DIP2C: variants seen among roughly 807,000 people sequenced by gnomAD.
DIP2C encodes disco-interacting protein 2 homolog C.
Under a neutral mutation model 192.4 loss-of-function variants are expected in DIP2C, and 33 were observed. The ratio of observed to expected loss-of-function variants is 0.17; its 90% CI spans 0.13 to 0.23. The LOEUF (loss-of-function observed/expected upper bound fraction) is 0.23. Among genes scored for constraint, DIP2C ranks in the 10% least tolerant of loss-of-function variants. The probability of loss-of-function intolerance (pLI) is 1.00; values close to 1 mark genes in which losing one functional copy is unlikely to be tolerated. For synonymous variants in DIP2C, 979 were observed against 864.1 expected, an observed-to-expected ratio of 1.13 and a Z score of -2.33; for missense variants, 1,537 against 2,110.1, an observed-to-expected ratio of 0.73 and a Z score of 5.32.
At chr10:291,142 C>G (rs1955477483) in intron 32 of DIP2C, among the ~76,000 whole-genome samples, 1 of 152,218 alleles carries the variant, frequency 6.6e-6, no homozygotes, top group Non-Finnish European at 1.5e-5. Context: ...AGGCTCTGGG[C>G]AGGTGTGTGC....
At chr10:525,312 C>T (rs373336590) in intron 1 of DIP2C, among the ~76,000 whole-genome samples, 3 of 152,138 alleles carry the variant, frequency 2.0e-5, no homozygotes, top group Non-Finnish European at 4.4e-5. Context: ...CACAGCTATT[C>T]GGAATGTGGT....
chr10:501,517 T>G lies in DIP2C; in HGVS notation c.86-14987A>C, dbSNP rs540487116. On this transcript the variant is annotated intron_variant, in intron 1 of 36. Coordinates refer to ENST00000280886, the MANE Select transcript of DIP2C (RefSeq NM_014974.3). ...TGAAAACACATGCGTTGATACCATA[T>G]TACCCCAATTATAGAGGGAAGATGA... 2.0e-5 allele frequency among the ~76,000 whole-genome samples: 3 copies of G among 152,246 alleles called. No individual in the cohort carries two copies. The South Asian group carries it at 6.2e-4, about 32-fold the overall frequency.
In DIP2C at chr10:488,398, T is replaced by C. The variant is rs941067812; in HGVS notation, c.86-1868A>G. ...CAAAGATGAAAGTGTTTAATCCTTA[T>C]AAGAACTTATTTTACAGATGAGAAT... On this transcript the variant is annotated intron_variant, in intron 1 of 36. Coordinates refer to ENST00000280886, the MANE Select transcript of DIP2C (RefSeq NM_014974.3). Among the ~76,000 whole-genome samples the C allele has an allele frequency of 4.6e-5, 7 of 152,332 alleles. No homozygotes were observed. The East Asian group carries it at 7.7e-4, about 17-fold the overall frequency.
At position 529,973 on chromosome 10, in the gene DIP2C, G is replaced by A. The variant is rs570806946; in HGVS notation, c.86-43443C>T. The stretch of plus-strand genomic sequence containing the variant: ...AATTCCTAATTCGCCACCACGTGGC[G>A]GGCCCATCAGGCCATCTGCCTGGAC... On this transcript the variant is annotated intron_variant, in intron 1 of 36. Coordinates refer to ENST00000280886, the MANE Select transcript of DIP2C (RefSeq NM_014974.3). Among the ~76,000 whole-genome samples the A allele has an allele frequency of 4.6e-5, 7 of 152,330 alleles. No homozygotes were observed. The South Asian group carries it at 8.3e-4, about 18-fold the overall frequency.
chr10:364,452 C>T lies in DIP2C; in HGVS notation c.2399G>A (p.Ser800Asn). 3 of 1,614,160 alleles carry T rather than the reference C, an allele frequency of 1.9e-6. No individual in the cohort carries two copies. Among genetic ancestry groups the T allele is most frequent in the Admixed American group, 3.3e-5 (2 of 60,026 alleles). ...VGKMDGLMVV[S>N]GRRHNADDIV... ...GTCGTCGGCGTTGTGCCTGCGCCCG[C>T]TGACCACCATGAGGCCATCCATCTT... The change falls in exon 20 of 37, where the codon AGC (serine) becomes AAC (asparagine). Residue 800 changes from serine to asparagine, a missense_variant. Physicochemically the swap from Ser to Asn is conservative, Grantham distance 46. Coordinates refer to ENST00000280886, the MANE Select transcript of DIP2C (RefSeq NM_014974.3).
intron 22 of DIP2C, 117 bp downstream of exon 22, chr10:362,373 T>C: frequency 8.1e-7 from 1 of 1,235,972 alleles, no homozygotes; most frequent in South Asian, 1.7e-5. Flanking sequence ...TAACCACTTC[T>C]TTCCCGCAAG....
rs138921565 is a variant in DIP2C at position 629,338 on chromosome 10, G to A, written c.85+60156C>T. Among the ~76,000 whole-genome samples the A allele has an allele frequency of 1.4e-3, 219 of 152,254 alleles. 1 individual carries two copies. Among genetic ancestry groups the A allele is most frequent in the Non-Finnish European group, 2.5e-3 (169 of 68,006 alleles). Reference sequence around the variant, plus strand: ...GATCCGGGCCAACTCCAAAGCGGGCGATCTTGACCCCTCACCCGTGGTCCT... The same window carrying A: ...GATCCGGGCCAACTCCAAAGCGGGCAATCTTGACCCCTCACCCGTGGTCCT... On this transcript the variant is annotated intron_variant, in intron 1 of 36. Transcript: ENST00000280886.
At chr10:424,259 C>T (rs1966415528) in intron 4 of DIP2C, among the ~76,000 whole-genome samples, 1 of 148,824 alleles carries the variant, frequency 6.7e-6, no homozygotes, top group Non-Finnish European at 1.5e-5. Context: ...CTTATTATCA[C>T]TGTCACATGA....
In DIP2C at chr10:532,558, TGAGA is replaced by T. The variant is rs66881768; in HGVS notation, c.86-46032_86-46029del. Among the ~76,000 whole-genome samples, 29 of 109,494 alleles carry T rather than the reference TGAGA, an allele frequency of 2.6e-4. 3 individuals carry two copies. In the South Asian group the frequency reaches 3.3e-3, roughly 12 times the overall value. 71.8% of individuals were successfully genotyped at this position (109,494 alleles called of 152,430 possible). A position where few individuals can be genotyped will look rare whatever the true frequency, so the allele number is the denominator to read the frequency against. Reference sequence around the variant, plus strand: ...GAGTATGGGTGTGAGAGAGTATGGGTGAGAGAGAGAGTATGGGTGTGAGAGAGAG... The same window carrying T: ...GAGTATGGGTGTGAGAGAGTATGGGTGAGAGAGTATGGGTGTGAGAGAGAG... On this transcript the variant is annotated intron_variant, in intron 1 of 36. Coordinates refer to ENST00000280886, the MANE Select transcript of DIP2C (RefSeq NM_014974.3).
chr10:372,074 C>CTTTT (rs71376826), intron 17 of DIP2C, among the ~76,000 whole-genome samples: 1 of 137,584 alleles, frequency 7.3e-6, no homozygotes, highest in Admixed American at 7.4e-5. Context: ...ACCCCCTTTC[C>CTTTT]TTTTTTTTTT....
At chr10:527,038 C>A (rs1847094935) in intron 1 of DIP2C, among the ~76,000 whole-genome samples, 1 of 152,218 alleles carries the variant, frequency 6.6e-6, no homozygotes, top group Non-Finnish European at 1.5e-5. Context: ...GGACAGCTGT[C>A]TGCAGTGAGC....
chr10:606,029 G>A (rs1485865319), intron 1 of DIP2C, among the ~76,000 whole-genome samples: 5 of 152,196 alleles, frequency 3.3e-5, no homozygotes, highest in Admixed American at 1.3e-4. Context: ...ACTCCACGCC[G>A]GGGTCCGACT....
In DIP2C at chr10:587,621, G is replaced by C. The variant is rs1426903254; in HGVS notation, c.86-101091C>G. Among the ~76,000 whole-genome samples, 939 of 127,150 alleles carry C rather than the reference G, an allele frequency of 7.4e-3. 2 individuals carry two copies. The highest frequency in any genetic ancestry group is 0.018 in the African/African-American group (598 of 33,384). 83.4% of individuals were successfully genotyped at this position (127,150 alleles called of 152,430 possible). A position where few individuals can be genotyped will look rare whatever the true frequency, so the allele number is the denominator to read the frequency against. The stretch of plus-strand genomic sequence containing the variant: ...CCACACCAGGCACTGCCTCAGCCCT[G>C]ACCCTCCTGAAACCCCACATCCACA... On this transcript the variant is annotated intron_variant, in intron 1 of 36. Transcript: ENST00000280886.
chr10:613,323 C>T (rs1363325744), intron 1 of DIP2C, among the ~76,000 whole-genome samples: 1 of 152,170 alleles, frequency 6.6e-6, no homozygotes, highest in Admixed American at 6.5e-5. Flanking sequence ...CAGCTAGAGC[C>T]GATCACAGTG....
chr10:387,658 T>A, intron 14 of DIP2C, 87 bp downstream of exon 14: 1 of 915,168 alleles, frequency 1.1e-6, no homozygotes, highest in Admixed American at 2.1e-5. Context: ...GGACAGACAG[T>A]ATGGGGAGGG....
intron 32 of DIP2C, among the ~76,000 whole-genome samples, chr10:299,864 G>T (rs1476535071): frequency 6.6e-6 from 1 of 152,064 alleles, no homozygotes; most frequent in Non-Finnish European, 1.5e-5. Flanking sequence ...AACTTGAATA[G>T]TCATTTCTCT....
rs139537843 is a variant in DIP2C at position 369,182 on chromosome 10, G to C, written c.2131+312C>G. Among the ~76,000 whole-genome samples the C allele has an allele frequency of 1.7e-3, 254 of 152,324 alleles. 2 individuals are homozygous for C. Among genetic ancestry groups the C allele is most frequent in the African/African-American group, 5.7e-3 (237 of 41,566 alleles). On this transcript the variant is annotated intron_variant, in intron 18 of 36. Transcript: ENST00000280886. ...AGGGTGACAGATGGGCACGTCCTCT[G>C]GGGGAGGGAAGGGAAGCTGCCCAGG...
At chr10:442,856 T>C (rs2133278133) in intron 3 of DIP2C, among the ~76,000 whole-genome samples, 1 of 152,368 alleles carries the variant, frequency 6.6e-6, no homozygotes, top group East Asian at 1.9e-4. Context: ...TTTGTCTTCC[T>C]ATTTTATGAT....
chr10:447,742 C>G (rs1968394341), intron 3 of DIP2C, among the ~76,000 whole-genome samples: 2 of 117,702 alleles, frequency 1.7e-5, no homozygotes, highest in Non-Finnish European at 3.2e-5. Flanking sequence ...GGATCACACA[C>G]AGTAGGGCAG....
Sources: gnomAD v4.1 joint callset for allele counts (sites outside exome capture counted in the v4.1 genomes callset) on GRCh38, gnomAD v4.1.1 for gene constraint, MANE v1.5 for transcripts, NCBI Gene and HGNC (gene_info 2026-07-23, HGNC 2026-07-21) for gene names.